Variants in SLAMF1 observed in about 807,000 individuals in gnomAD.
SLAMF1 encodes signaling lymphocytic activation molecule family member 1.
A neutral mutation model predicts 35.1 loss-of-function variants in SLAMF1; 18 were observed. That is an observed-to-expected ratio of 0.51 (90% CI 0.35 to 0.76). The LOEUF (loss-of-function observed/expected upper bound fraction) is 0.76, where lower values mean the gene tolerates loss of function less well. Among genes scored for constraint, SLAMF1 ranks in the 30% least tolerant of loss-of-function variants. The pLI is 0.01. For synonymous variants in SLAMF1, 168 were observed against 157.2 expected, an observed-to-expected ratio of 1.07 and a Z score of -0.51; for missense variants, 392 against 413.0, an observed-to-expected ratio of 0.95 and a Z score of 0.44.
intron 3 of SLAMF1, among the ~76,000 whole-genome samples, chr1:160,633,298 C>T (rs895667144): frequency 5.3e-5 from 8 of 151,996 alleles, no homozygotes; most frequent in African/African-American, 1.2e-4. Flanking sequence ...AGTGAGAGGA[C>T]GGGGGACTCT....
Position 160,642,157 on chromosome 1 carries a change from C to T in SLAMF1, c.77-4628G>A, listed in dbSNP as rs1326269622. Among the ~76,000 whole-genome samples, 2 of 152,160 alleles carry T rather than the reference C, an allele frequency of 1.3e-5. No homozygotes were observed. Among genetic ancestry groups the T allele is most frequent in the Non-Finnish European group, 2.9e-5 (2 of 68,026 alleles). ...ACAGTTCTTTTGGTAAATTTAGGCT[C>T]AGAAAGAAAAGACATCTTGTCTGTG... On this transcript the variant is annotated intron_variant, in intron 1 of 6. Transcript: ENST00000302035. This position sits in a 1 kb window ranked among gnomAD's most constrained non-coding sequence, Gnocchi z 4.2.
chr1:160,610,124 T>C lies in SLAMF1; in HGVS notation c.*624A>G, dbSNP rs925486197. On this transcript the variant is annotated 3_prime_UTR_variant, in exon 7 of 7. Transcript: ENST00000302035. ...TCTCAAAATCATTCTTTCTGTTTAT[T>C]GACTTTTTAGCTTCTGGGTTTTGCA... 8.8e-6 allele frequency: 3 copies of C among 340,840 alleles called. No homozygotes were observed. The highest frequency in any genetic ancestry group is 1.7e-5 in the Non-Finnish European group (3 of 174,052). 21.1% of individuals were successfully genotyped at this position (340,840 alleles called of 1,614,324 possible).
intron 5 of SLAMF1, among the ~76,000 whole-genome samples, chr1:160,614,264 G>T (rs1425008682): frequency 6.6e-6 from 1 of 152,144 alleles, no homozygotes; most frequent in Non-Finnish European, 1.5e-5. Context: ...AGATAAAGAG[G>T]CTATCAAAAC....
rs1660520251 is a variant in SLAMF1, at chr1:160,637,538, GGGA to G, written c.77-12_77-10del. 6.3e-7 allele frequency: 1 copy of G among 1,598,696 alleles called. No homozygotes were observed. The highest frequency in any genetic ancestry group is 8.5e-7 in the Non-Finnish European group (1 of 1,173,896). ...GTTCATCATGCGCCCACCTGTGGGA[GGGA>G]GGAGAAGAGAGTCCCTTATTATTAA... On this transcript the variant is annotated splice_polypyrimidine_tract_variant and intron_variant, in intron 1 of 6. Transcript: ENST00000302035.
Position 160,608,423 on chromosome 1 carries a change from A to T in SLAMF1, c.*2325T>A, listed in dbSNP as rs1230815554. 6.6e-6 allele frequency: 1 copy of T among 152,218 alleles called. No homozygotes were observed. Among genetic ancestry groups the T allele is most frequent in the Non-Finnish European group, 1.5e-5 (1 of 68,038 alleles). The allele number at this position is 152,218 out of a possible 1,614,324, so 9.4% of individuals were successfully genotyped here. On this transcript the variant is annotated 3_prime_UTR_variant, in exon 7 of 7. Coordinates refer to ENST00000302035, the MANE Select transcript of SLAMF1 (RefSeq NM_003037.5). ...ACTTATTGTTTTAAGTCTGAGGAAA[A>T]GGCAAGCTCCCGCTCCCCATAGTGC...
intron 6 of SLAMF1, 75 bp from the exon 7 acceptor site, chr1:160,610,873 G>T: frequency 8.8e-7 from 1 of 1,134,426 alleles, no homozygotes; most frequent in Non-Finnish European, 1.3e-6. Context: ...AAACAGCACT[G>T]CTGAGGAAAA....
chr1:160,629,046 T>C (rs1422612143), intron 3 of SLAMF1, among the ~76,000 whole-genome samples: 5 of 152,168 alleles, frequency 3.3e-5, no homozygotes, highest in African/African-American at 9.7e-5. Flanking sequence ...AAAGAAATGC[T>C]ACCTGAACAT....
chr1:160,635,363 G>A (rs1660390597), intron 2 of SLAMF1, among the ~76,000 whole-genome samples: 1 of 152,196 alleles, frequency 6.6e-6, no homozygotes, highest in South Asian at 2.1e-4. Context: ...GCGCGCGCAT[G>A]TACACGGGCG....
chr1:160,645,380 T>C (rs1660984766), intron 1 of SLAMF1, among the ~76,000 whole-genome samples: 1 of 152,216 alleles, frequency 6.6e-6, no homozygotes, highest in South Asian at 2.1e-4. Flanking sequence ...GAAGAAAACA[T>C]GCAATGAAGT....
Position 160,628,312 on chromosome 1 carries a change from G to A in SLAMF1, c.701-4127C>T, listed in dbSNP as rs149462826. 3.1e-3 allele frequency among the ~76,000 whole-genome samples: 467 copies of A among 152,264 alleles called. 3 individuals are homozygous for A. Among genetic ancestry groups the A allele is most frequent in the African/African-American group, 0.01 (433 of 41,526 alleles). ...ACCAGGCAGCTTTCACCACCTAGCAGGTTCAGACTCTCTCTTTCTCTTCCC... is the reference window on the plus strand; with the variant it reads ...ACCAGGCAGCTTTCACCACCTAGCAAGTTCAGACTCTCTCTTTCTCTTCCC... On this transcript the variant is annotated intron_variant, in intron 3 of 6. Coordinates refer to ENST00000302035, the MANE Select transcript of SLAMF1 (RefSeq NM_003037.5).
intron 5 of SLAMF1, among the ~76,000 whole-genome samples, chr1:160,617,356 T>C (rs1280136114): frequency 4.6e-5 from 7 of 152,160 alleles, no homozygotes; most frequent in African/African-American, 1.7e-4. Context: ...CATGTCCACT[T>C]AACGACTTGC....
Position 160,634,765 on chromosome 1 carries a change from T to G in SLAMF1, c.548A>C (p.His183Pro). The G allele has an allele frequency of 6.2e-7, 1 of 1,614,082 alleles. No homozygotes were observed. The highest frequency in any genetic ancestry group is 1.1e-5 in the South Asian group (1 of 91,076). The change falls in exon 3 of 7, where the codon CAC becomes CCC. Residue 183 changes from histidine to proline, a missense_variant. His to Pro is a moderately conservative substitution (Grantham distance 77). Coordinates refer to ENST00000302035, the MANE Select transcript of SLAMF1 (RefSeq NM_003037.5). ...AYSWSEKAGT[H>P]PLNPANSSHL... ...GGAGCTGTTGGCTGGGTTCAGTGGG[T>G]GGGTGCCCGCCTTTTCACTCCAGCT...
intron 1 of SLAMF1, among the ~76,000 whole-genome samples, chr1:160,640,359 TACACACAC>T (rs1184249247): frequency 4.1e-5 from 5 of 122,458 alleles, no homozygotes; most frequent in African/African-American, 6.6e-5. Flanking sequence ...TATATATATA[TACACACAC>T]ACACACACAT....
chr1:160,644,293 C>T (rs1478349731), intron 1 of SLAMF1, among the ~76,000 whole-genome samples: 1 of 152,210 alleles, frequency 6.6e-6, no homozygotes, highest in African/African-American at 2.4e-5. Flanking sequence ...CAGTTTTACT[C>T]ATTGAGGCCT....
intron 6 of SLAMF1, among the ~76,000 whole-genome samples, chr1:160,612,279 C>A: frequency 6.6e-6 from 1 of 151,086 alleles, no homozygotes; most frequent in Non-Finnish European, 1.5e-5. Flanking sequence ...TAAGTTCAGG[C>A]GTACATGTGC....
At chr1:160,614,908 C>T (rs1018458753) in intron 5 of SLAMF1, among the ~76,000 whole-genome samples, 7 of 152,046 alleles carry the variant, frequency 4.6e-5, no homozygotes, top group Non-Finnish European at 7.4e-5. Flanking sequence ...CTTTAGGGAG[C>T]ATCATTTACA....
intron 5 of SLAMF1, among the ~76,000 whole-genome samples, chr1:160,618,312 C>A (rs1445512863): frequency 6.6e-6 from 1 of 152,078 alleles, no homozygotes; most frequent in Non-Finnish European, 1.5e-5. Context: ...GGGTAACTCA[C>A]TGAGCTGACA....
chr1:160,615,154 T>A (rs164279), intron 5 of SLAMF1, among the ~76,000 whole-genome samples: 150,211 of 152,192 alleles, frequency 0.99, 74,163 homozygotes, highest in Middle Eastern at 1. Flanking sequence ...AGTCTTTATA[T>A]TGATATAATA....
At chr1:160,625,200 G>T (rs893012370) in intron 3 of SLAMF1, among the ~76,000 whole-genome samples, 1 of 152,276 alleles carries the variant, frequency 6.6e-6, no homozygotes, top group South Asian at 2.1e-4. Flanking sequence ...GAACAGTGGG[G>T]ACCGAGCTGA....
Sources: gnomAD v4.1 joint callset for allele counts (sites outside exome capture counted in the v4.1 genomes callset) on GRCh38, gnomAD v4.1.1 for gene constraint, Gnocchi (gnomAD v3.1) non-coding constraint, MANE v1.5 for transcripts, NCBI Gene and HGNC (gene_info 2026-07-23, HGNC 2026-07-21) for gene names.